Variants in GJB1 observed in about 807,000 individuals in gnomAD.
The protein encoded by GJB1 is gap junction beta-1 protein.
GJB1 carries 1 observed loss-of-function variant against 12.0 expected under a neutral mutation model. The ratio of observed to expected loss-of-function variants is 0.08; its 90% CI spans 0.03 to 0.40. The LOEUF (loss-of-function observed/expected upper bound fraction) is 0.40, where lower values mean the gene tolerates loss of function less well. Among genes scored for constraint, GJB1 ranks in the 10% least tolerant of loss-of-function variants. GJB1 has a pLI of 0.98. For synonymous variants in GJB1, 114 were observed against 102.8 expected, an observed-to-expected ratio of 1.11 and a Z score of -0.66; for missense variants, 140 against 250.3, an observed-to-expected ratio of 0.56 and a Z score of 2.97.
intron 1 of GJB1, among the ~76,000 whole-genome samples, chrX:71,217,104 A>ATGTGTGTATGTGTGTGTGTGTGTG (rs1555936007): frequency 2.1e-5 from 2 of 93,570 alleles, no homozygotes; most frequent in Non-Finnish European, 4.2e-5. Context: ...GACTAGACGA[A>ATGTGTGTATGTGTGTGTGTGTGTG]TGTGTGTGTG....
At chrX:71,220,889 C>CT (rs1491472340), upstream of GJB1, among the ~76,000 whole-genome samples, 174 of 52,669 alleles carry the variant, frequency 3.3e-3, 2 homozygotes, top group East Asian at 7.9e-3. Context: ...TTGTTTCTTT[C>CT]CTTTTTTTTT....
upstream of GJB1, among the ~76,000 whole-genome samples, chrX:71,218,401 T>TC (rs780963608): frequency 0.17 from 17,973 of 104,030 alleles, 1,555 homozygotes; most frequent in East Asian, 0.33. Flanking sequence ...TTTTTTTTTT[T>TC]CAATCTCCCT....
upstream of GJB1, among the ~76,000 whole-genome samples, chrX:71,221,122 G>A (rs1202122540): frequency 9.2e-6 from 1 of 109,217 alleles, no homozygotes; most frequent in Non-Finnish European, 1.9e-5. Flanking sequence ...TGCTGACCTC[G>A]TGATCCGCCC....
At position 71,224,722 on chromosome X, in the gene GJB1, G is replaced by T. The variant is rs139775308; in HGVS notation, c.*163G>T. The stretch of plus-strand genomic sequence containing the variant: ...CCTCCCGGGGCCTTCCTTTTGAGGA[G>T]CTGGAGGGGTGGGGAGCTAGAGGCC... On this transcript the variant is annotated 3_prime_UTR_variant, in exon 2 of 2. Transcript: ENST00000361726. 3,898 of 526,613 alleles carry T rather than the reference G, an allele frequency of 7.4e-3. 113 individuals carry two copies. In the African/African-American group the frequency reaches 0.082, roughly 11 times the overall value. 43.4% of individuals were successfully genotyped at this position (526,613 alleles called of 1,213,427 possible).
intron 1 of GJB1, among the ~76,000 whole-genome samples, chrX:71,215,586 C>G (rs748224518): frequency 8.9e-6 from 1 of 112,013 alleles, no homozygotes; most frequent in East Asian, 2.8e-4. Context: ...CTTGAGGGAC[C>G]CCCTAGGTGC....
At chrX:71,218,586 GA>G (rs916823477), upstream of GJB1, among the ~76,000 whole-genome samples, 3 of 98,864 alleles carry the variant, frequency 3.0e-5, no homozygotes, top group African/African-American at 7.4e-5. Context: ...TGTCTCAAAA[GA>G]AAAAAAAAGT....
rs748187922 is a variant in GJB1 at position 71,224,047 on chromosome X, C to G, written c.340C>G (p.Pro114Ala). The G allele has an allele frequency of 8.3e-7, 1 of 1,201,893 alleles. No homozygotes were observed. ...KMLRLEGHGD[P>A]LHLEEVKRHK... is the part of the protein sequence containing the mutation. Reference sequence around the variant, plus strand: ...GCTACGGCTTGAGGGCCATGGGGACCCCCTACACCTGGAGGAGGTGAAGAG... The same window carrying G: ...GCTACGGCTTGAGGGCCATGGGGACGCCCTACACCTGGAGGAGGTGAAGAG... The change falls in exon 2 of 2, where the codon CCC (proline) becomes GCC (alanine). Residue 114 changes from proline (P) to alanine (A), a missense_variant. By Grantham distance (27) the Pro-to-Ala change is conservative. This residue lies in a region of GJB1 where 49 missense variants were observed against 104.5 expected (regional missense o/e 0.47). Transcript: ENST00000361726.
In GJB1 at chrX:71,224,360, C is replaced by T. The variant is rs2092546153; in HGVS notation, c.653C>T (p.Ala218Val). The T allele has an allele frequency of 8.3e-7, 1 of 1,209,828 alleles. No homozygotes were observed. Among genetic ancestry groups the T allele is most frequent in the African/African-American group, 1.7e-5 (1 of 57,681 alleles). The change falls in exon 2 of 2, where the codon GCC becomes GTC. Residue 218 changes from alanine (A) to valine (V), a missense_variant. This residue lies in a region of GJB1 where 75 missense variants were observed against 78.8 expected (regional missense o/e 0.95). Transcript: ENST00000361726. ...EVVYLIIRAC[A>V]RRAQRRSNPP... ...GTGTACCTCATCATCCGGGCCTGTG[C>T]CCGCCGAGCCCAGCGCCGCTCCAAT... is the stretch of plus-strand genomic sequence containing the variant.
intron 1 of GJB1, among the ~76,000 whole-genome samples, chrX:71,217,057 G>A (rs964128356): frequency 3.6e-5 from 4 of 110,292 alleles, no homozygotes; most frequent in Non-Finnish European, 7.6e-5. Flanking sequence ...GAAGGATAGG[G>A]AGGAGGTGGG....
In GJB1 at chrX:71,223,827, A is replaced by G. The variant is rs1481496306; in HGVS notation, c.120A>G (p.Ala40=). 3 of 1,209,564 alleles carry G rather than the reference A, an allele frequency of 2.5e-6. No homozygotes were observed. The highest frequency in any genetic ancestry group is 3.5e-5 in the South Asian group (2 of 56,802). ...IFRIMVLVVA[A]ESVWGDEKSS... is the part of the protein sequence containing the mutation. The stretch of plus-strand genomic sequence containing the variant: ...GAATCATGGTGCTGGTGGTGGCTGC[A>G]GAGAGTGTGTGGGGTGATGAGAAAT... Residue 40 remains alanine, a synonymous_variant, in exon 2 of 2, where the codon GCA becomes GCG. Transcript: ENST00000361726.
upstream of GJB1, among the ~76,000 whole-genome samples, chrX:71,223,008 TGGTGGGGCTATGGGGCG>T (rs1047052723): frequency 7.2e-5 from 8 of 111,389 alleles, no homozygotes; most frequent in Admixed American, 9.6e-5. Flanking sequence ...GCCATTCTTC[TGGTGGGGCTATGGGGCG>T]GGTGCGGCGA....
Position 71,223,889 on chromosome X carries a change from A to G in GJB1, c.182A>G (p.Asn61Ser). The G allele has an allele frequency of 8.3e-7, 1 of 1,210,554 alleles. No homozygotes were observed. The highest frequency in any genetic ancestry group is 1.8e-5 in the South Asian group (1 of 56,748). The change falls in exon 2 of 2, where the codon AAC (asparagine) becomes AGC (serine). Residue 61 changes from asparagine to serine, a missense_variant. By Grantham distance (46) the Asn-to-Ser change is conservative. This residue lies in a region of GJB1 where 16 missense variants were observed against 50.0 expected (regional missense o/e 0.32). Transcript: ENST00000361726. ...FICNTLQPGC[N>S]SVCYDQFFPI... Reference sequence around the variant, plus strand: ...TGCAACACACTCCAGCCTGGCTGCAACAGCGTTTGCTATGACCAATTCTTC... The same window carrying G: ...TGCAACACACTCCAGCCTGGCTGCAGCAGCGTTTGCTATGACCAATTCTTC...
upstream of GJB1, among the ~76,000 whole-genome samples, chrX:71,219,429 TTTAA>T (rs1458759618): frequency 9.2e-6 from 1 of 108,865 alleles, no homozygotes; most frequent in African/African-American, 3.3e-5. Context: ...TCTGCCTCCT[TTTAA>T]TTTTTTTTTT....
chrX:71,218,625 T>A (rs761893627), upstream of GJB1, among the ~76,000 whole-genome samples: 126 of 109,664 alleles, frequency 1.1e-3, no homozygotes, highest in Admixed American at 1.5e-3. Context: ...GGCTCACGCC[T>A]GTAATTCCAG....
At chrX:71,216,627 T>G (rs902207445) in intron 1 of GJB1, among the ~76,000 whole-genome samples, 73 of 108,921 alleles carry the variant, frequency 6.7e-4, no homozygotes, top group Non-Finnish European at 1.3e-3. Flanking sequence ...GTCCAAACAA[T>G]GGGGAAGGGA....
At chrX:71,221,170 G>A (rs1294935167), upstream of GJB1, among the ~76,000 whole-genome samples, 2 of 111,252 alleles carry the variant, frequency 1.8e-5, no homozygotes, top group Non-Finnish European at 3.8e-5. Flanking sequence ...ACAGGCGTGA[G>A]CCACCTTGCC....
chrX:71,220,476 TTTTGTTTGTTTGTTTGTTTG>T (rs58936467), upstream of GJB1, among the ~76,000 whole-genome samples: 1 of 95,169 alleles, frequency 1.1e-5, no homozygotes, highest in African/African-American at 4.0e-5. Context: ...CTGGCCTAGG[TTTTGTTTGTTTGTTTGTTTG>T]TTTGTTTGTT....
At chrX:71,223,204 G>A (rs2092540929), upstream of GJB1, 5 of 180,962 alleles carry the variant, frequency 2.8e-5, no homozygotes, top group South Asian at 4.4e-4. Flanking sequence ...GTATAAAGCA[G>A]CATATGACTC....
chrX:71,216,354 G>A (rs912766493), intron 1 of GJB1, among the ~76,000 whole-genome samples: 17 of 110,415 alleles, frequency 1.5e-4, no homozygotes, highest in Non-Finnish European at 3.0e-4. Flanking sequence ...AAGGGACCCA[G>A]GCTTGGGTGA....
Sources: allele counts gnomAD v4.1 joint callset (sites outside exome capture counted in the v4.1 genomes callset), GRCh38; gene constraint gnomAD v4.1.1; regional missense constraint gnomAD v4.1.1; transcripts MANE v1.5; gene names NCBI Gene and HGNC (gene_info 2026-07-23, HGNC 2026-07-21).